The following TBXAS1 variants were observed in gnomAD, a reference collection of about 807,000 sequenced individuals.
The protein encoded by TBXAS1 is thromboxane A synthase 1.
Under a neutral mutation model 60.7 loss-of-function variants are expected in TBXAS1, and 48 were observed. The ratio of observed to expected loss-of-function variants is 0.79; its 90% CI spans 0.63 to 1.01. TBXAS1 has a LOEUF of 1.01. Among genes scored for constraint, TBXAS1 ranks in the 50% least tolerant of loss-of-function variants. The pLI, the probability that TBXAS1 is intolerant of heterozygous loss-of-function variation, is 0.00. For missense variants in TBXAS1, 685 were observed against 686.3 expected (o/e 1.00, Z 0.02); for synonymous variants, 287 against 269.7 (o/e 1.06, Z -0.63).
chr7:139,935,309 T>C (rs954537010), intron 4 of TBXAS1, among the ~76,000 whole-genome samples: 1 of 152,248 alleles, frequency 6.6e-6, no homozygotes, highest in African/African-American at 2.4e-5. Flanking sequence ...GGATTACTTA[T>C]AATACCTCAT....
chr7:139,903,747 CTTCTT>C (rs1191367000), intron 3 of TBXAS1, among the ~76,000 whole-genome samples: 1 of 151,878 alleles, frequency 6.6e-6, no homozygotes, highest in African/African-American at 2.4e-5. Context: ...ATTTGTGTAT[CTTCTT>C]TTGAGAATTG....
Position 139,852,139 on chromosome 7 carries a change from A to C in TBXAS1, c.90-20096A>C, listed in dbSNP as rs1034673140. ...AAGCACCTAGCTGATCTGCTCGCAGACTCCTGACCCTCAGAATCTGTGAGA... is the reference window on the plus strand; with the variant it reads ...AAGCACCTAGCTGATCTGCTCGCAGCCTCCTGACCCTCAGAATCTGTGAGA... On this transcript the variant is annotated intron_variant, in intron 1 of 12. Transcript: ENST00000448866. This position sits in a 1 kb window ranked among gnomAD's most constrained non-coding sequence, Gnocchi z 4.4. 3.3e-5 allele frequency among the ~76,000 whole-genome samples: 5 copies of C among 151,974 alleles called. No homozygotes were observed. Among genetic ancestry groups the C allele is most frequent in the African/African-American group, 1.2e-4 (5 of 41,418 alleles).
In TBXAS1 at chr7:139,853,649, C is replaced by T. The variant is rs555431080; in HGVS notation, c.90-18586C>T. Among the ~76,000 whole-genome samples the T allele has an allele frequency of 2.1e-3, 316 of 152,244 alleles. 3 individuals are homozygous for T. Among genetic ancestry groups the T allele is most frequent in the Middle Eastern group, 0.014 (4 of 294 alleles). On this transcript the variant is annotated intron_variant, in intron 1 of 12. Coordinates refer to ENST00000448866, the MANE Select transcript of TBXAS1 (RefSeq NM_001061.7). The stretch of plus-strand genomic sequence containing the variant: ...CAGAGGCAGGGGCAGCCCCAGCTGA[C>T]CCCTCTGGGCTCTAATTTAACTATC...
rs960368874 is a variant in TBXAS1, at chr7:139,936,239, C to A, written c.382C>A (p.Arg128Ser). The change falls in exon 5 of 13, where the codon CGT becomes AGT. Residue 128 changes from arginine to serine, a missense_variant. Transcript: ENST00000448866. ...GGTAGCCGACAGCGTTCTGTTTTTA[C>A]GTGACAAAAGATGGGAAGAGGTCAG... ...KSVADSVLFL[R>S]DKRWEEVRGA... The A allele has an allele frequency of 6.2e-7, 1 of 1,614,196 alleles. No individual in the cohort carries two copies. The highest frequency in any genetic ancestry group is 1.7e-5 in the Admixed American group (1 of 60,032).
intron 4 of TBXAS1, among the ~76,000 whole-genome samples, chr7:139,799,628 A>G (rs1797666227): frequency 6.6e-6 from 1 of 152,192 alleles, no homozygotes; most frequent in African/African-American, 2.4e-5. Flanking sequence ...AAGTGCTGGA[A>G]TTACAGGCAT....
rs956367516 is a variant in TBXAS1 at position 139,916,134 on chromosome 7, T to C, written c.333+4813T>C. Among the ~76,000 whole-genome samples, 3 of 152,138 alleles carry C rather than the reference T, an allele frequency of 2.0e-5. No homozygotes were observed. The highest frequency in any genetic ancestry group is 2.1e-4 in the South Asian group (1 of 4,832). On this transcript the variant is annotated intron_variant, in intron 4 of 12. Transcript: ENST00000448866. This position sits in a 1 kb window ranked among gnomAD's most constrained non-coding sequence, Gnocchi z 4.2. ...TCAGGTACGGTACCTAATGAAACCA[T>C]AGGGCAGCTCTTTTTTAAATATCTG...
intron 9 of TBXAS1, among the ~76,000 whole-genome samples, chr7:139,972,951 C>T (rs1811316569): frequency 6.6e-6 from 1 of 151,956 alleles, no homozygotes; most frequent in Admixed American, 6.5e-5. Flanking sequence ...GGGGGACGAG[C>T]AGGGAGGCAC....
At chr7:139,952,199 G>A (rs1569518495) in intron 5 of TBXAS1, among the ~76,000 whole-genome samples, 1 of 152,192 alleles carries the variant, frequency 6.6e-6, no homozygotes. Context: ...CATACCTTCT[G>A]AGAAGCAGAT....
chr7:139,845,919 G>T (rs1387241494), intron 1 of TBXAS1, among the ~76,000 whole-genome samples: 2 of 150,166 alleles, frequency 1.3e-5, no homozygotes, highest in African/African-American at 4.9e-5. Context: ...AACCTCCCCA[G>T]GCTCGGGGAA....
chr7:139,846,319 T>C (rs1427887636), intron 1 of TBXAS1, among the ~76,000 whole-genome samples: 2 of 152,242 alleles, frequency 1.3e-5, no homozygotes, highest in Non-Finnish European at 2.9e-5. Flanking sequence ...GGCTTTGGAA[T>C]CAGATCTCCT....
chr7:139,945,627 T>G (rs1808640216), intron 5 of TBXAS1, among the ~76,000 whole-genome samples: 1 of 152,252 alleles, frequency 6.6e-6, no homozygotes, highest in Admixed American at 6.5e-5. Flanking sequence ...CATGACAACA[T>G]GCAATAGTTA....
chr7:139,837,040 C>A (rs1799114578), intron 1 of TBXAS1, among the ~76,000 whole-genome samples: 1 of 152,030 alleles, frequency 6.6e-6, no homozygotes, highest in Admixed American at 6.5e-5. Flanking sequence ...TATAAATGAC[C>A]AACAAACATG....
intron 5 of TBXAS1, among the ~76,000 whole-genome samples, chr7:139,946,710 C>T (rs1584922233): frequency 6.6e-6 from 1 of 152,200 alleles, no homozygotes; most frequent in African/African-American, 2.4e-5. Context: ...TACACCACTC[C>T]CTGCTTTCTG....
At chr7:139,854,903 A>G (rs916052558) in intron 1 of TBXAS1, among the ~76,000 whole-genome samples, 1 of 152,054 alleles carries the variant, frequency 6.6e-6, no homozygotes, top group African/African-American at 2.4e-5. Flanking sequence ...TATGATATCT[A>G]CTCTGTAAGT....
At chr7:139,964,963 C>T (rs1339955994) in intron 9 of TBXAS1, among the ~76,000 whole-genome samples, 1 of 152,194 alleles carries the variant, frequency 6.6e-6, no homozygotes, top group Non-Finnish European at 1.5e-5. Context: ...GCCAGTGGCT[C>T]ATCCCAGCAC....
intron 3 of TBXAS1, among the ~76,000 whole-genome samples, chr7:139,883,321 C>A (rs541165889): frequency 1.3e-5 from 2 of 152,186 alleles, no homozygotes; most frequent in African/African-American, 4.8e-5. Context: ...TGATTTAAGA[C>A]CACCTTCTTT....
At chr7:139,962,333 A>C in intron 9 of TBXAS1, 100 bp downstream of exon 9, 1 of 1,391,248 alleles carries the variant, frequency 7.2e-7, no homozygotes, top group Admixed American at 1.9e-5. Context: ...TGCTAATATC[A>C]CATTCTAAGC....
At chr7:139,901,853 T>A (rs1391000711) in intron 3 of TBXAS1, among the ~76,000 whole-genome samples, 2 of 152,086 alleles carry the variant, frequency 1.3e-5, no homozygotes, top group African/African-American at 4.8e-5. Context: ...TCCTGGGCCC[T>A]ACCCAGGCCT....
At chr7:139,864,981 G>C (rs1185909608) in intron 1 of TBXAS1, among the ~76,000 whole-genome samples, 1 of 151,748 alleles carries the variant, frequency 6.6e-6, no homozygotes, top group African/African-American at 2.4e-5. Flanking sequence ...TTATTGCTTG[G>C]AAAAAAAATA....
Sources: gnomAD v4.1 joint callset for allele counts (sites outside exome capture counted in the v4.1 genomes callset) on GRCh38, gnomAD v4.1.1 for gene constraint, Gnocchi (gnomAD v3.1) non-coding constraint, MANE v1.5 for transcripts, NCBI Gene and HGNC (gene_info 2026-07-23, HGNC 2026-07-21) for gene names.